The following LRRC75A variants were observed in gnomAD, a reference collection of about 807,000 sequenced individuals.
The protein encoded by LRRC75A is leucine-rich repeat-containing protein 75A.
Under a neutral mutation model 26.0 loss-of-function variants are expected in LRRC75A, and 12 were observed. The ratio of observed to expected loss-of-function variants is 0.46; its 90% CI spans 0.30 to 0.75. LRRC75A has a LOEUF of 0.75. Among genes scored for constraint, LRRC75A ranks in the 30% least tolerant of loss-of-function variants. LRRC75A has a pLI of 0.08. For synonymous variants in LRRC75A, 223 were observed against 219.3 expected (o/e 1.02, Z -0.15); for missense variants, 410 against 486.6 (o/e 0.84, Z 1.48).
At chr17:16,457,516 G>A (rs556638054) in intron 2 of LRRC75A, among the ~76,000 whole-genome samples, 6 of 152,192 alleles carry the variant, frequency 3.9e-5, no homozygotes, top group Admixed American at 6.5e-5. Flanking sequence ...ATGTGCAGCC[G>A]CCGGCCTCCA....
In LRRC75A at chr17:16,462,149, C is replaced by T; in HGVS notation, c.375+109G>A. Reference sequence around the variant, plus strand: ...CTTGGTGCCTGGAGGACGGGCTTGTCCTCCTTGGGCCTGTCTGCCAGTCCT... The same window carrying T: ...CTTGGTGCCTGGAGGACGGGCTTGTTCTCCTTGGGCCTGTCTGCCAGTCCT... On this transcript the variant is annotated intron_variant, in intron 2 of 3. Transcript: ENST00000470794. The surrounding 1 kb of genome is among the most constrained non-coding windows in gnomAD (Gnocchi z 4.6). The T allele has an allele frequency of 5.4e-6, 7 of 1,298,394 alleles. No individual in the cohort carries two copies. Among genetic ancestry groups the T allele is most frequent in the Non-Finnish European group, 7.4e-6 (7 of 950,068 alleles). 80.4% of individuals were successfully genotyped at this position (1,298,394 alleles called of 1,614,324 possible). A position where few individuals can be genotyped will look rare whatever the true frequency, so the allele number is the denominator to read the frequency against.
intron 2 of LRRC75A, among the ~76,000 whole-genome samples, chr17:16,457,006 G>A (rs1162311700): frequency 2.6e-5 from 4 of 152,182 alleles, no homozygotes; most frequent in South Asian, 2.1e-4. Context: ...GGGGCAGAAC[G>A]TGTTTGAGGG....
intron 1 of LRRC75A, among the ~76,000 whole-genome samples, chr17:16,489,376 C>T (rs1047612867): frequency 6.6e-6 from 1 of 152,188 alleles, no homozygotes; most frequent in African/African-American, 2.4e-5. Flanking sequence ...GGGTGCCCCA[C>T]GCTTTGCAGA....
Position 16,491,932 on chromosome 17 carries a change from G to A in LRRC75A, c.59C>T (p.Pro20Leu). The change falls in exon 1 of 4, where the codon CCG (proline) becomes CTG (leucine). Residue 20 changes from proline to leucine, a missense_variant. Coordinates refer to ENST00000470794, the MANE Select transcript of LRRC75A (RefSeq NM_001113567.3). This position sits in a 1 kb window ranked among gnomAD's most constrained non-coding sequence, Gnocchi z 5.9. ...GTCCGGCCGTTCGCGTCGGGGGCCCGGCGCGGCGCCGGGGCTGGCTCTCTC... is the reference window on the plus strand; with the variant it reads ...GTCCGGCCGTTCGCGTCGGGGGCCCAGCGCGGCGCCGGGGCTGGCTCTCTC... ...LAERASPGAA[P>L]GPRRERPDFW... is the part of the protein sequence containing the mutation. The A allele has an allele frequency of 2.4e-6, 3 of 1,247,468 alleles. No homozygotes were observed. The highest frequency in any genetic ancestry group is 4.4e-5 in the Admixed American group (1 of 22,896). 77.3% of individuals were successfully genotyped at this position (1,247,468 alleles called of 1,614,324 possible). A position where few individuals can be genotyped will look rare whatever the true frequency, so the allele number is the denominator to read the frequency against.
intron 1 of LRRC75A, among the ~76,000 whole-genome samples, chr17:16,485,954 C>T (rs1423232310): frequency 2.0e-5 from 3 of 152,114 alleles, no homozygotes; most frequent in East Asian, 3.9e-4. Context: ...CAGGTTACAG[C>T]GGGGTGGGGG....
chr17:16,444,073 G>C lies in LRRC75A; in HGVS notation c.550C>G (p.Pro184Ala). 1 of 1,612,732 alleles carries C rather than the reference G, an allele frequency of 6.2e-7. No individual in the cohort carries two copies. Among genetic ancestry groups the C allele is most frequent in the South Asian group, 1.1e-5 (1 of 90,900 alleles). ...PDNTVDLSGI[P>A]LTSRDLERVT... The stretch of plus-strand genomic sequence containing the variant: ...CGCTCCAGGTCTCGGGAGGTCAGTG[G>C]GATTCCCGACAGGTCCACTGTGTTG... Residue 184 changes from proline (P) to alanine (A), a missense_variant, in exon 4 of 4, where the codon CCA becomes GCA. Transcript: ENST00000470794.
At chr17:16,446,573 C>A (rs1469938928) in intron 3 of LRRC75A, among the ~76,000 whole-genome samples, 2 of 151,908 alleles carry the variant, frequency 1.3e-5, no homozygotes, top group African/African-American at 2.4e-5. Flanking sequence ...GACGAGGGGG[C>A]GAGGAGAGCA....
intron 1 of LRRC75A, among the ~76,000 whole-genome samples, chr17:16,483,519 G>T (rs1223700638): frequency 1.3e-4 from 20 of 152,228 alleles, no homozygotes; most frequent in Non-Finnish European, 1.5e-5. Flanking sequence ...GGGCCTGGAA[G>T]AAATAACTGA....
intron 1 of LRRC75A, among the ~76,000 whole-genome samples, chr17:16,489,166 A>T (rs1467718304): frequency 6.6e-6 from 1 of 152,228 alleles, no homozygotes; most frequent in Non-Finnish European, 1.5e-5. Context: ...GAAGCACAGG[A>T]ACAAAGGCTC....
In LRRC75A at chr17:16,491,518, T is replaced by G. The variant is rs1463438823; in HGVS notation, c.246+227A>C. ...GGGGACATTATGCCAACAGGTCCCC[T>G]TCGGCGGGCCTCACCCGGCCAGCCT... On this transcript the variant is annotated intron_variant, in intron 1 of 3. Transcript: ENST00000470794. This position sits in a 1 kb window ranked among gnomAD's most constrained non-coding sequence, Gnocchi z 5.9. 6.6e-6 allele frequency among the ~76,000 whole-genome samples: 1 copy of G among 152,196 alleles called. No homozygotes were observed. Among genetic ancestry groups the G allele is most frequent in the Non-Finnish European group, 1.5e-5 (1 of 68,016 alleles).
rs2093736490 is a variant in LRRC75A, at chr17:16,462,596, T to C, written c.247-210A>G. 6.6e-6 allele frequency among the ~76,000 whole-genome samples: 1 copy of C among 152,216 alleles called. No homozygotes were observed. Among genetic ancestry groups the C allele is most frequent in the Non-Finnish European group, 1.5e-5 (1 of 68,042 alleles). ...TTGAGGAAGAGCAGGGACTGGCCTC[T>C]GCAGGCTCTGCAGTTTGTGCAGGTC... On this transcript the variant is annotated intron_variant, in intron 1 of 3. Coordinates refer to ENST00000470794, the MANE Select transcript of LRRC75A (RefSeq NM_001113567.3). The surrounding 1 kb of genome is among the most constrained non-coding windows in gnomAD (Gnocchi z 4.6).
At position 16,485,631 on chromosome 17, in the gene LRRC75A, A is replaced by AGTGTGTGT. The variant is rs35125617; in HGVS notation, c.246+6106_246+6113dup. Among the ~76,000 whole-genome samples the AGTGTGTGT allele has an allele frequency of 2.9e-3, 370 of 128,476 alleles. 5 individuals are homozygous for AGTGTGTGT. The highest frequency in any genetic ancestry group is 0.011 in the African/African-American group (350 of 31,648). The allele number at this position is 128,476 out of a possible 152,430, so 84.3% of individuals were successfully genotyped here. ...ACAGCCAGGAGGAGCCAGGACAAGC[A>AGTGTGTGT]GTGTGTGTGTGTGTGTGTGTGTGTG... On this transcript the variant is annotated intron_variant, in intron 1 of 3. Coordinates refer to ENST00000470794, the MANE Select transcript of LRRC75A (RefSeq NM_001113567.3).
At chr17:16,486,944 C>T (rs1017978317) in intron 1 of LRRC75A, among the ~76,000 whole-genome samples, 8 of 152,318 alleles carry the variant, frequency 5.3e-5, no homozygotes, top group African/African-American at 1.9e-4. Context: ...CACATCTTCA[C>T]GGCACACAGA....
intron 3 of LRRC75A, 92 bp from the exon 4 acceptor site, chr17:16,444,223 G>A (rs2093560815): frequency 7.6e-6 from 8 of 1,058,934 alleles, no homozygotes; most frequent in South Asian, 1.7e-5. Context: ...GCTCTCCGAC[G>A]CTAGGGACTG....
chr17:16,459,411 G>T (rs1469158747), intron 2 of LRRC75A, among the ~76,000 whole-genome samples: 1 of 152,200 alleles, frequency 6.6e-6, no homozygotes, highest in African/African-American at 2.4e-5. Context: ...TCAGACAGAA[G>T]AGGCTGGAGC....
intron 2 of LRRC75A, among the ~76,000 whole-genome samples, chr17:16,459,551 A>G (rs775400932): frequency 2.0e-5 from 3 of 152,236 alleles, no homozygotes; most frequent in Non-Finnish European, 4.4e-5. Context: ...CAAGAGACTC[A>G]GGCAAAGCCA....
intron 1 of LRRC75A, chr17:16,463,805 A>C (rs2093746620): frequency 6.6e-6 from 1 of 152,348 alleles, no homozygotes; most frequent in Non-Finnish European, 1.5e-5. Context: ...GTGCTGTTGG[A>C]ATTTCAGGAA....
intron 3 of LRRC75A, among the ~76,000 whole-genome samples, chr17:16,445,817 A>G (rs977304230): frequency 2.0e-5 from 3 of 152,258 alleles, no homozygotes; most frequent in African/African-American, 7.2e-5. Flanking sequence ...GGTGGTGAAC[A>G]GCCTGAGCTG....
intron 2 of LRRC75A, among the ~76,000 whole-genome samples, chr17:16,450,812 T>C (rs2093625250): frequency 6.6e-6 from 1 of 151,778 alleles, no homozygotes; most frequent in Admixed American, 6.6e-5. Flanking sequence ...GCCAGGCTAT[T>C]GGAAGGGGCT....
Sources: gnomAD v4.1 joint callset for allele counts (sites outside exome capture counted in the v4.1 genomes callset) on GRCh38, gnomAD v4.1.1 for gene constraint, Gnocchi (gnomAD v3.1) non-coding constraint, MANE v1.5 for transcripts, NCBI Gene and HGNC (gene_info 2026-07-23, HGNC 2026-07-21) for gene names.